Variants in HYAL4 observed in about 807,000 individuals in gnomAD.
The protein encoded by HYAL4 is hyaluronidase-4.
In HYAL4, 37 loss-of-function variants were observed where a neutral mutation model predicts 35.2. That is an observed-to-expected ratio of 1.05 (90% CI 0.81 to 1.38). The LOEUF (loss-of-function observed/expected upper bound fraction) is 1.38, where lower values mean the gene tolerates loss of function less well. Ranked by LOEUF, HYAL4 falls within the 40% of genes most tolerant of loss-of-function variation. The probability of loss-of-function intolerance (pLI) is 0.00; values close to 1 mark genes in which losing one functional copy is unlikely to be tolerated. For missense variants in HYAL4, 572 were observed against 572.4 expected (o/e 1.00, Z 0.01); for synonymous variants, 198 against 203.2 (o/e 0.97, Z 0.22).
chr7:123,861,840 A>G (rs1319106565), intron 2 of HYAL4, among the ~76,000 whole-genome samples: 1 of 152,196 alleles, frequency 6.6e-6, no homozygotes, highest in Non-Finnish European at 1.5e-5. Flanking sequence ...AATAGTTATC[A>G]TAAAATTCAG....
chr7:123,784,973 G>A, the HYAL4 span, among the ~76,000 whole-genome samples: 1 of 152,200 alleles, frequency 6.6e-6, no homozygotes, highest in Non-Finnish European at 1.5e-5. Context: ...AAAGAGAGAA[G>A]TGGTGTTTTT....
intron 4 of HYAL4, among the ~76,000 whole-genome samples, 168 bp downstream of exon 4, chr7:123,875,018 T>C (rs770470112): frequency 3.3e-5 from 5 of 152,246 alleles, no homozygotes; most frequent in Non-Finnish European, 7.3e-5. Context: ...TTTATAAAGA[T>C]AGTAATCATA....
At chr7:123,790,832 T>C in the HYAL4 span, 1 of 152,074 alleles carries the variant, frequency 6.6e-6, no homozygotes, top group Non-Finnish European at 1.5e-5. Context: ...TGGCATGACC[T>C]TGGCTCACTG....
chr7:123,785,940 CAAGAA>C, the HYAL4 span, among the ~76,000 whole-genome samples: 5 of 139,406 alleles, frequency 3.6e-5, no homozygotes, highest in South Asian at 1.1e-3. The surrounding 1 kb of genome is among the most constrained non-coding windows in gnomAD (Gnocchi z 4.5). Context: ...TCAGTAGAAA[CAAGAA>C]AACAAAACAA....
chr7:123,769,871 CTGGGTAAAATGTGATA>C, the HYAL4 span, among the ~76,000 whole-genome samples: 1 of 150,642 alleles, frequency 6.6e-6, no homozygotes, highest in Non-Finnish European at 1.5e-5. Flanking sequence ...CTTACTAATC[CTGGGTAAAATGTGATA>C]TGAGGACTCG....
At chr7:123,865,100 A>C (rs1233403870) in intron 2 of HYAL4, among the ~76,000 whole-genome samples, 1 of 152,048 alleles carries the variant, frequency 6.6e-6, no homozygotes, top group Non-Finnish European at 1.5e-5. Flanking sequence ...GAAGAGAATC[A>C]CTTGGTAACT....
At chr7:123,805,900 G>A in the HYAL4 span, among the ~76,000 whole-genome samples, 13 of 152,082 alleles carry the variant, frequency 8.5e-5, no homozygotes, top group East Asian at 3.9e-4. Context: ...AGGCTGAAGC[G>A]GGAGAATCAC....
At chr7:123,852,753 G>GT (rs1288046361) in intron 2 of HYAL4, among the ~76,000 whole-genome samples, 1 of 152,128 alleles carries the variant, frequency 6.6e-6, no homozygotes, top group Non-Finnish European at 1.5e-5. Flanking sequence ...ATTTAAAGTA[G>GT]TTTTTTCTAC....
intron 2 of HYAL4, among the ~76,000 whole-genome samples, chr7:123,856,742 G>A (rs78372652): frequency 6.6e-6 from 1 of 152,178 alleles, no homozygotes; most frequent in African/African-American, 2.4e-5. Context: ...TCTCTTCAGA[G>A]CCAGCAGGCA....
chr7:123,850,520 T>C (rs888824961), intron 2 of HYAL4, among the ~76,000 whole-genome samples: 1 of 152,144 alleles, frequency 6.6e-6, no homozygotes, highest in African/African-American at 2.4e-5. Flanking sequence ...GATTACAGTC[T>C]TGAGCCACCG....
intron 1 of HYAL4, among the ~76,000 whole-genome samples, chr7:123,847,772 C>T (rs972746674): frequency 2.6e-5 from 4 of 152,012 alleles, no homozygotes; most frequent in South Asian, 2.1e-4. Flanking sequence ...AGTGAGACTC[C>T]GTCTAAAATA....
At chr7:123,810,774 A>T in the HYAL4 span, among the ~76,000 whole-genome samples, 1 of 152,192 alleles carries the variant, frequency 6.6e-6, no homozygotes, top group Non-Finnish European at 1.5e-5. Context: ...TTAAAGTATT[A>T]CACAGAATAG....
chr7:123,780,742 G>C, the HYAL4 span, among the ~76,000 whole-genome samples: 1 of 150,840 alleles, frequency 6.6e-6, no homozygotes, highest in Non-Finnish European at 1.5e-5. Context: ...CTTCTGCCTT[G>C]AGATTCTGTT....
At chr7:123,810,455 C>G in the HYAL4 span, among the ~76,000 whole-genome samples, 66 of 152,298 alleles carry the variant, frequency 4.3e-4, no homozygotes, top group African/African-American at 1.5e-3. Context: ...CTATTACAAA[C>G]ATAGTAGCAG....
At chr7:123,860,881 G>T (rs1186230719) in intron 2 of HYAL4, among the ~76,000 whole-genome samples, 1 of 152,112 alleles carries the variant, frequency 6.6e-6, no homozygotes, top group Non-Finnish European at 1.5e-5. Flanking sequence ...TTCTTATCCT[G>T]CTAAAATATA....
chr7:123,768,107 G>A, the HYAL4 span, among the ~76,000 whole-genome samples: 3 of 152,120 alleles, frequency 2.0e-5, no homozygotes, highest in South Asian at 2.1e-4. Flanking sequence ...TTTAAAAAAT[G>A]TAAGATTAAG....
chr7:123,869,278 G>T, intron 3 of HYAL4, 51 bp downstream of exon 3: 1 of 1,203,078 alleles, frequency 8.3e-7, no homozygotes, highest in East Asian at 2.5e-5. Context: ...ATCTCTAAAA[G>T]GACATTTCTT....
upstream of HYAL4, chr7:123,828,830 T>G (rs980608170): frequency 2.0e-5 from 3 of 152,508 alleles, no homozygotes; most frequent in Admixed American, 6.6e-5. Flanking sequence ...CTCCTTTAAA[T>G]AGCTAATCCA....
the HYAL4 span, among the ~76,000 whole-genome samples, chr7:123,802,629 A>T: frequency 6.6e-6 from 1 of 152,156 alleles, no homozygotes; most frequent in Non-Finnish European, 1.5e-5. Context: ...TCCCTACAAA[A>T]GAATACAGCC....
Sources: gnomAD v4.1 joint callset for allele counts (sites outside exome capture counted in the v4.1 genomes callset) on GRCh38, gnomAD v4.1.1 for gene constraint, Gnocchi (gnomAD v3.1) non-coding constraint, MANE v1.5 for transcripts, NCBI Gene and HGNC (gene_info 2026-07-23, HGNC 2026-07-21) for gene names.